Variants in ITPR2 observed in about 807,000 individuals in gnomAD.
ITPR2 encodes the protein inositol 1,4,5-trisphosphate receptor type 2.
A neutral mutation model predicts 317.1 loss-of-function variants in ITPR2; 207 were observed. The ratio of observed to expected loss-of-function variants is 0.65; its 90% CI spans 0.58 to 0.73. The LOEUF is 0.73. Among genes scored for constraint, ITPR2 ranks in the 30% least tolerant of loss-of-function variants. The probability of loss-of-function intolerance (pLI) is 0.00; values close to 1 mark genes in which losing one functional copy is unlikely to be tolerated. For missense variants in ITPR2, 2,613 were observed against 3,284.0 expected, an observed-to-expected ratio of 0.80 and a Z score of 4.99; for synonymous variants, 1,156 against 1,149.1, an observed-to-expected ratio of 1.01 and a Z score of -0.12.
intron 49 of ITPR2, among the ~76,000 whole-genome samples, chr12:26,426,043 G>A (rs1941051500): frequency 6.6e-6 from 1 of 152,182 alleles, no homozygotes; most frequent in Admixed American, 6.5e-5. Flanking sequence ...GCAAATCGGT[G>A]AGTGTGACAC....
intron 13 of ITPR2, among the ~76,000 whole-genome samples, chr12:26,671,353 A>G (rs946158915): frequency 3.3e-5 from 5 of 152,150 alleles, no homozygotes; most frequent in Admixed American, 6.5e-5. Flanking sequence ...CAGATCTCTC[A>G]GCAGAAACTC....
intron 32 of ITPR2, among the ~76,000 whole-genome samples, chr12:26,587,100 C>T (rs1945547911): frequency 1.3e-5 from 2 of 150,798 alleles, no homozygotes; most frequent in Admixed American, 6.6e-5. Flanking sequence ...ATGCTCAGAC[C>T]ACATTTTCTT....
chr12:26,741,213 G>A (rs1565731047), intron 2 of ITPR2, among the ~76,000 whole-genome samples: 1 of 152,242 alleles, frequency 6.6e-6, no homozygotes, highest in Non-Finnish European at 1.5e-5. Flanking sequence ...CTGTCCCTGC[G>A]GCAGAGGTGG....
chr12:26,426,874 GTTA>G (rs1180331310), intron 49 of ITPR2, among the ~76,000 whole-genome samples: 8 of 150,196 alleles, frequency 5.3e-5, no homozygotes, highest in African/African-American at 9.7e-5. Flanking sequence ...TTAAATATTA[GTTA>G]TTATTAAATA....
At chr12:26,794,319 T>C (rs1592137439) in intron 1 of ITPR2, among the ~76,000 whole-genome samples, 1 of 152,228 alleles carries the variant, frequency 6.6e-6, no homozygotes. Flanking sequence ...AGTCCACTGA[T>C]ACTTTGTCAA....
intron 37 of ITPR2, among the ~76,000 whole-genome samples, chr12:26,516,271 GGAAGGGAAGGGAAGGGAAAGGAAA>G (rs1943500640): frequency 3.1e-4 from 12 of 39,252 alleles, no homozygotes; most frequent in South Asian, 1.1e-3. Context: ...GGAAAGGAAA[GGAAGGGAAGGGAAGGGAAAGGAAA>G]GGAAAGGAAA....
intron 7 of ITPR2, 30 bp downstream of exon 7, chr12:26,715,722 C>T (rs1190486016): frequency 1.6e-5 from 22 of 1,358,556 alleles, no homozygotes; most frequent in Non-Finnish European, 2.2e-5. Flanking sequence ...TCATTTCTCC[C>T]AGCAAATGTC....
At chr12:26,597,774 T>G (rs1370616085) in intron 30 of ITPR2, among the ~76,000 whole-genome samples, 1 of 152,198 alleles carries the variant, frequency 6.6e-6, no homozygotes, top group Non-Finnish European at 1.5e-5. Context: ...GAAAATTCCA[T>G]CAGGTGGCAG....
chr12:26,671,758 T>C (rs1345553910), intron 13 of ITPR2, among the ~76,000 whole-genome samples: 2 of 152,178 alleles, frequency 1.3e-5, no homozygotes, highest in African/African-American at 4.8e-5. Context: ...GACTGGCAAA[T>C]TGGATAAAGA....
chr12:26,475,132 G>A (rs953308582), intron 45 of ITPR2, among the ~76,000 whole-genome samples, 164 bp downstream of exon 45: 11 of 152,152 alleles, frequency 7.2e-5, no homozygotes, highest in African/African-American at 2.7e-4. Flanking sequence ...ACCTTGGGGT[G>A]CATAGTCAGG....
chr12:26,444,725 TTA>T (rs1941567254), intron 45 of ITPR2, among the ~76,000 whole-genome samples: 1 of 125,808 alleles, frequency 7.9e-6, no homozygotes, highest in Non-Finnish European at 1.7e-5. Context: ...CCAATTATTA[TTA>T]TAATCATGGA....
chr12:26,749,070 CT>C (rs56178811), intron 2 of ITPR2, among the ~76,000 whole-genome samples: 24,537 of 152,160 alleles, frequency 0.16, 2,746 homozygotes, highest in Non-Finnish European at 0.24. Flanking sequence ...ATCAGGTATA[CT>C]CAAATACCTG....
In ITPR2 at chr12:26,681,873, C is replaced by CT. The variant is rs59199365; in HGVS notation, c.1409_1409+1insA (p.Phe471ValfsTer15). The CT allele has an allele frequency of 1.9e-6, 3 of 1,604,378 alleles. No homozygotes were observed. Among genetic ancestry groups the CT allele is most frequent in the Non-Finnish European group, 2.6e-6 (3 of 1,172,740 alleles). ...TATTTAAGACCAATTTAAAGAGTTA[C>CT]CTCCTTTCATTCTGAGTTATTGTGC... On this transcript the variant is annotated frameshift_variant and splice_region_variant. Transcript: ENST00000381340. LOFTEE classifies it high-confidence loss of function.
At chr12:26,619,399 T>C (rs1457500596) in intron 26 of ITPR2, among the ~76,000 whole-genome samples, 1 of 152,208 alleles carries the variant, frequency 6.6e-6, no homozygotes, top group Admixed American at 6.5e-5. Flanking sequence ...CCATCTATCG[T>C]TCTCCCAGGT....
chr12:26,676,774 G>A lies in ITPR2; in HGVS notation c.1409+5100C>T, dbSNP rs899277707. ...ATAAGATTAAAAAAATAAAATAAAT[G>A]TTTTAAGTAAAAAAAAGATGTTTCT... On this transcript the variant is annotated intron_variant, in intron 13 of 56. Transcript: ENST00000381340. Among the ~76,000 whole-genome samples, 5 of 145,128 alleles carry A rather than the reference G, an allele frequency of 3.4e-5. No homozygotes were observed. In the East Asian group the frequency reaches 7.9e-4, roughly 23 times the overall value.
At chr12:26,362,338 T>A (rs899913337) in intron 55 of ITPR2, among the ~76,000 whole-genome samples, 1 of 152,178 alleles carries the variant, frequency 6.6e-6, no homozygotes, top group African/African-American at 2.4e-5. Flanking sequence ...AAAACTTCCA[T>A]AGGCCTTCTG....
chr12:26,655,725 T>C lies in ITPR2; in HGVS notation c.2572A>G (p.Asn858Asp). Residue 858 changes from asparagine (N) to aspartate (D), a missense_variant, in exon 20 of 57, where the codon AAT (asparagine) becomes GAT (aspartate). This residue lies in a region of ITPR2 where 817 missense variants were observed against 897.6 expected (regional missense o/e 0.91). Coordinates refer to ENST00000381340, the MANE Select transcript of ITPR2 (RefSeq NM_002223.4). ...CAAAGTACCTCAAATGTCAGTTTATTTTTTTCTTTATCCCCAAAAGGAAAG... is the reference window on the plus strand; with the variant it reads ...CAAAGTACCTCAAATGTCAGTTTATCTTTTTCTTTATCCCCAAAAGGAAAG... ...QPFPFGDKEK[N>D]KLTFEVVHLA... The C allele has an allele frequency of 6.2e-7, 1 of 1,613,528 alleles. No homozygotes were observed. Among genetic ancestry groups the C allele is most frequent in the Non-Finnish European group, 8.5e-7 (1 of 1,179,620 alleles).
At chr12:26,540,656 C>T (rs551354023) in intron 37 of ITPR2, among the ~76,000 whole-genome samples, 8 of 152,200 alleles carry the variant, frequency 5.3e-5, no homozygotes, top group Admixed American at 1.3e-4. Context: ...GCAATGAGTG[C>T]TATTATGTGA....
At chr12:26,423,185 G>A (rs1940947826) in intron 49 of ITPR2, among the ~76,000 whole-genome samples, 1 of 152,060 alleles carries the variant, frequency 6.6e-6, no homozygotes, top group Non-Finnish European at 1.5e-5. Context: ...ATATGAAAAA[G>A]GGTAGGTCTG....
Sources: allele counts gnomAD v4.1 joint callset (sites outside exome capture counted in the v4.1 genomes callset), GRCh38; gene constraint gnomAD v4.1.1; regional missense constraint gnomAD v4.1.1; transcripts MANE v1.5; gene names NCBI Gene and HGNC (gene_info 2026-07-23, HGNC 2026-07-21).